MSR1: variants seen among roughly 807,000 people sequenced by gnomAD.
MSR1 encodes the protein macrophage scavenger receptor 1.
MSR1 carries 53 observed loss-of-function variants against 47.2 expected under a neutral mutation model. The ratio of observed to expected loss-of-function variants is 1.12; its 90% CI spans 0.90 to 1.41. MSR1 has a LOEUF of 1.41. MSR1 is among the 40% of genes most tolerant of loss of function. The pLI is 0.00. For synonymous variants in MSR1, 239 were observed against 185.6 expected (o/e 1.29, Z -2.34); for missense variants, 786 against 546.9 (o/e 1.44, Z -4.36).
At chr8:16,184,579 G>A (rs925590922) in intron 1 of MSR1, among the ~76,000 whole-genome samples, 1 of 152,056 alleles carries the variant, frequency 6.6e-6, no homozygotes, top group Admixed American at 6.6e-5. Flanking sequence ...TTTTCTGATC[G>A]CATAAATTGA....
chr8:16,126,447 G>A (rs973517645), intron 8 of MSR1, among the ~76,000 whole-genome samples: 3 of 152,058 alleles, frequency 2.0e-5, no homozygotes, highest in South Asian at 4.1e-4. Flanking sequence ...TATTTGAGAT[G>A]CAAACATAAT....
At chr8:16,190,969 C>T (rs1802185010) in intron 1 of MSR1, among the ~76,000 whole-genome samples, 1 of 152,138 alleles carries the variant, frequency 6.6e-6, no homozygotes, top group Admixed American at 6.5e-5. Context: ...AATCCACCTG[C>T]CTTGGCCTCC....
chr8:16,150,235 C>G lies in MSR1; in HGVS notation c.975G>C (p.Arg325Ser). The change falls in exon 7 of 10, where the codon AGG becomes AGC. Residue 325 changes from arginine to serine, a missense_variant. By Grantham distance (110) the Arg-to-Ser change is moderately radical. Transcript: ENST00000262101. ...AAATACACATTATTGTAATACCTGGCCTTCCGGCATATCCTGGGAGTCCTC... is the reference window on the plus strand; with the variant it reads ...AAATACACATTATTGTAATACCTGGGCTTCCGGCATATCCTGGGAGTCCTC... Reference protein sequence around the residue: ...GSRGLPGYAGRPGNSGPKGQK... With the variant: ...GSRGLPGYAGSPGNSGPKGQK... 1 of 1,526,646 alleles carries G rather than the reference C, an allele frequency of 6.6e-7. No homozygotes were observed. The highest frequency in any genetic ancestry group is 8.8e-7 in the Non-Finnish European group (1 of 1,130,694). The allele number at this position is 1,526,646 out of a possible 1,614,324, so 94.6% of individuals were successfully genotyped here. A position where few individuals can be genotyped will look rare whatever the true frequency, so the allele number is the denominator to read the frequency against.
intron 7 of MSR1, among the ~76,000 whole-genome samples, chr8:16,143,977 C>T (rs540997063): frequency 1.3e-5 from 2 of 152,172 alleles, no homozygotes; most frequent in South Asian, 2.1e-4. Context: ...TCCCACATCC[C>T]GTTCTTATAT....
At chr8:16,122,080 A>G (rs1188521956) in intron 8 of MSR1, among the ~76,000 whole-genome samples, 1 of 152,128 alleles carries the variant, frequency 6.6e-6, no homozygotes, top group Non-Finnish European at 1.5e-5. Flanking sequence ...AATTATAATT[A>G]TTCTCTTGAT....
At chr8:16,172,950 T>C (rs1801530157) in intron 3 of MSR1, among the ~76,000 whole-genome samples, 1 of 152,176 alleles carries the variant, frequency 6.6e-6, no homozygotes, top group African/African-American at 2.4e-5. Flanking sequence ...AGTAGAGATA[T>C]ATATTGCTTT....
chr8:16,174,978 A>G (rs1024458639), intron 3 of MSR1, among the ~76,000 whole-genome samples: 1 of 151,928 alleles, frequency 6.6e-6, no homozygotes, highest in African/African-American at 2.4e-5. Flanking sequence ...TTTCCATTCT[A>G]TTTTGTTTTT....
At chr8:16,136,580 A>C (rs1800395972) in intron 8 of MSR1, among the ~76,000 whole-genome samples, 1 of 152,068 alleles carries the variant, frequency 6.6e-6, no homozygotes, top group Admixed American at 6.6e-5. Context: ...CACTCTATTA[A>C]GGAACACATC....
At chr8:16,185,561 C>T (rs1801970569) in intron 1 of MSR1, among the ~76,000 whole-genome samples, 1 of 152,002 alleles carries the variant, frequency 6.6e-6, no homozygotes, top group Non-Finnish European at 1.5e-5. Flanking sequence ...AATCTGAGCC[C>T]AGAACTGCTT....
At chr8:16,163,765 A>C (rs2117168411) in intron 5 of MSR1, among the ~76,000 whole-genome samples, 1 of 151,956 alleles carries the variant, frequency 6.6e-6, no homozygotes, top group South Asian at 2.1e-4. Flanking sequence ...ACATGTGAAG[A>C]AACTTGTAAT....
intron 1 of MSR1, among the ~76,000 whole-genome samples, chr8:16,181,789 A>C (rs773045647): frequency 2.0e-5 from 3 of 147,468 alleles, no homozygotes; most frequent in African/African-American, 2.5e-5. Flanking sequence ...CCCAGAACTT[A>C]AAGTATAATT....
intron 8 of MSR1, chr8:16,139,559 G>A: frequency 2.0e-6 from 2 of 982,328 alleles, no homozygotes; most frequent in Non-Finnish European, 2.4e-6. Flanking sequence ...GTAGTCTGTT[G>A]ATCAGTAGAG....
chr8:16,166,506 G>C lies in MSR1; in HGVS notation c.630+1952C>G, dbSNP rs34626081. ...CCCTTCTTTGAAAACTGCACATGGTGTTTACATTTGTCAAATTTCAGTGGA... is the reference window on the plus strand; with the variant it reads ...CCCTTCTTTGAAAACTGCACATGGTCTTTACATTTGTCAAATTTCAGTGGA... On this transcript the variant is annotated intron_variant, in intron 4 of 9. Transcript: ENST00000262101. 5.5e-3 allele frequency among the ~76,000 whole-genome samples: 839 copies of C among 151,890 alleles called. 25 individuals carry two copies. In the East Asian group the frequency reaches 0.098, roughly 18 times the overall value.
At chr8:16,124,581 T>G (rs200559303) in intron 8 of MSR1, among the ~76,000 whole-genome samples, 1 of 152,162 alleles carries the variant, frequency 6.6e-6, no homozygotes, top group East Asian at 1.9e-4. Flanking sequence ...TCTGGGGCTT[T>G]GGTTCCTGTC....
At chr8:16,172,612 T>A (rs73665249) in intron 3 of MSR1, among the ~76,000 whole-genome samples, 7,222 of 152,150 alleles carry the variant, frequency 0.047, 504 homozygotes, top group African/African-American at 0.15. Flanking sequence ...ATTGGAATTA[T>A]CTTTTCATAC....
Position 16,187,410 on chromosome 8 carries a change from CAAGCA to C in MSR1, c.-5+5183_-5+5187del, listed in dbSNP as rs1347926050. On this transcript the variant is annotated intron_variant, in intron 1 of 9. Coordinates refer to ENST00000262101, the MANE Select transcript of MSR1 (RefSeq NM_138715.3). ...AAAAAGGAAAGAAAGAAAAAGCAAG[CAAGCA>C]AGCAAGCTGACTGTTCCTGAACATC... is the stretch of plus-strand genomic sequence containing the variant. Among the ~76,000 whole-genome samples the C allele has an allele frequency of 8.4e-3, 1,139 of 135,840 alleles. 4 individuals are homozygous for C. Among genetic ancestry groups the C allele is most frequent in the Admixed American group, 0.012 (158 of 13,130 alleles). 89.1% of individuals were successfully genotyped at this position (135,840 alleles called of 152,430 possible).
chr8:16,190,669 T>G (rs1015236280), intron 1 of MSR1, among the ~76,000 whole-genome samples: 1 of 152,098 alleles, frequency 6.6e-6, no homozygotes, highest in Middle Eastern at 3.2e-3. Context: ...TGCATTCGTT[T>G]TCCTAAGATT....
chr8:16,114,169 CATTA>C (rs1158188812), intron 9 of MSR1, among the ~76,000 whole-genome samples: 7 of 151,758 alleles, frequency 4.6e-5, no homozygotes, highest in Admixed American at 4.6e-4. Flanking sequence ...TACTCCCATT[CATTA>C]AGGGATAGTT....
intron 5 of MSR1, among the ~76,000 whole-genome samples, chr8:16,159,000 G>A (rs1329574571): frequency 7.0e-6 from 1 of 143,536 alleles, no homozygotes; most frequent in Non-Finnish European, 1.5e-5. Flanking sequence ...GAACTTCTGG[G>A]CTCAAAAGGC....
Sources: gnomAD v4.1 joint callset for allele counts (sites outside exome capture counted in the v4.1 genomes callset) on GRCh38, gnomAD v4.1.1 for gene constraint, MANE v1.5 for transcripts, NCBI Gene and HGNC (gene_info 2026-07-23, HGNC 2026-07-21) for gene names.